The following DPP10 variants were observed in gnomAD, a reference collection of about 807,000 sequenced individuals.
DPP10 encodes inactive dipeptidyl peptidase 10.
In DPP10, 33 loss-of-function variants were observed where a neutral mutation model predicts 120.9. That is an observed-to-expected ratio of 0.27 (90% CI 0.21 to 0.37). DPP10 has a LOEUF of 0.37. Ranked by LOEUF, DPP10 falls within the 10% of genes least tolerant of loss-of-function variation. The pLI is 1.00. For missense variants in DPP10, 816 were observed against 942.8 expected (o/e 0.87, Z 1.76); for synonymous variants, 337 against 326.1 (o/e 1.03, Z -0.36).
At chr2:115,442,806 G>A (rs2072200610) in intron 3 of DPP10, among the ~76,000 whole-genome samples, 1 of 152,158 alleles carries the variant, frequency 6.6e-6, no homozygotes, top group Admixed American at 6.5e-5. Context: ...ATTGAGAAAT[G>A]TAAGGGGCCT....
chr2:114,917,662 A>G lies in DPP10; in HGVS notation c.61-391577A>G, dbSNP rs573872024. On this transcript the variant is annotated intron_variant, in intron 1 of 25. Coordinates refer to ENST00000410059, the MANE Select transcript of DPP10 (RefSeq NM_020868.6). ...ACCCTAAATAAATCTACACACCTGC[A>G]ACCATCAGATCTTTCACAAAGCTGA... Among the ~76,000 whole-genome samples the G allele has an allele frequency of 3.9e-5, 6 of 152,274 alleles. No homozygotes were observed. In the East Asian group the frequency reaches 1.2e-3, roughly 29 times the overall value.
chr2:115,208,095 A>G (rs758492271), intron 1 of DPP10, among the ~76,000 whole-genome samples: 16 of 152,232 alleles, frequency 1.1e-4, no homozygotes, highest in Non-Finnish European at 1.5e-4. Flanking sequence ...GTCTTGGGCC[A>G]ATTGAATAAT....
intron 5 of DPP10, among the ~76,000 whole-genome samples, chr2:115,529,246 T>G (rs2078317229): frequency 6.6e-6 from 1 of 152,066 alleles, no homozygotes; most frequent in African/African-American, 2.4e-5. Context: ...CTCTGCTCAC[T>G]GCAACCTCCA....
chr2:115,791,895 A>G (rs1684031342), intron 19 of DPP10, among the ~76,000 whole-genome samples: 1 of 152,182 alleles, frequency 6.6e-6, no homozygotes, highest in Non-Finnish European at 1.5e-5. Flanking sequence ...GGCCCCTAAC[A>G]TCTAATGCGT....
At chr2:114,997,946 A>C (rs1701202908) in intron 1 of DPP10, among the ~76,000 whole-genome samples, 1 of 152,226 alleles carries the variant, frequency 6.6e-6, no homozygotes, top group Admixed American at 6.5e-5. Context: ...GTTTGAGGGT[A>C]ACTTTATGCA....
At chr2:114,597,231 G>C (rs190198782) in intron 1 of DPP10, among the ~76,000 whole-genome samples, 1 of 152,110 alleles carries the variant, frequency 6.6e-6, no homozygotes, top group East Asian at 1.9e-4. Context: ...AAACCAAGAA[G>C]AGTAATTTGG....
intron 1 of DPP10, among the ~76,000 whole-genome samples, chr2:114,602,136 A>AT (rs1692421469): frequency 2.0e-5 from 3 of 151,904 alleles, no homozygotes; most frequent in South Asian, 2.1e-4. Context: ...TACCAATGGT[A>AT]TTTTTTGTGG....
intron 1 of DPP10, among the ~76,000 whole-genome samples, chr2:114,526,424 A>G (rs954763840): frequency 6.6e-6 from 1 of 152,136 alleles, no homozygotes; most frequent in African/African-American, 2.4e-5. Flanking sequence ...ATTTATTCCT[A>G]AAGTTGAGAA....
chr2:115,699,855 G>GT (rs1324066699), intron 7 of DPP10, among the ~76,000 whole-genome samples: 1 of 152,198 alleles, frequency 6.6e-6, no homozygotes, highest in Non-Finnish European at 1.5e-5. Flanking sequence ...TTCTTGAAAT[G>GT]TAAGGATCAT....
chr2:115,827,412 G>GTATA (rs1164585822), intron 21 of DPP10, among the ~76,000 whole-genome samples: 8,991 of 81,296 alleles, frequency 0.11, 465 homozygotes, highest in Middle Eastern at 0.15. Context: ...GTATGTGTGT[G>GTATA]TGTATATATA....
At chr2:114,779,443 T>C (rs1682073394) in intron 1 of DPP10, among the ~76,000 whole-genome samples, 1 of 152,102 alleles carries the variant, frequency 6.6e-6, no homozygotes, top group African/African-American at 2.4e-5. Flanking sequence ...ATCAAAGTTA[T>C]CTCATATCTA....
At chr2:115,544,512 T>G (rs2079378105) in intron 5 of DPP10, among the ~76,000 whole-genome samples, 1 of 152,062 alleles carries the variant, frequency 6.6e-6, no homozygotes, top group East Asian at 1.9e-4. Flanking sequence ...GTTTTAAACC[T>G]GTCATCATGG....
At chr2:115,637,814 A>G (rs1388066075) in intron 5 of DPP10, among the ~76,000 whole-genome samples, 1 of 152,124 alleles carries the variant, frequency 6.6e-6, no homozygotes, top group Non-Finnish European at 1.5e-5. Flanking sequence ...ATCCCAGTCA[A>G]ACTAAACTTG....
intron 1 of DPP10, among the ~76,000 whole-genome samples, chr2:114,945,182 G>A (rs1697253783): frequency 6.6e-6 from 1 of 152,148 alleles, no homozygotes; most frequent in Non-Finnish European, 1.5e-5. Flanking sequence ...TTTGTGTTTG[G>A]TGGTGATATT....
chr2:114,648,043 G>A (rs761344952), intron 1 of DPP10, among the ~76,000 whole-genome samples: 4 of 152,078 alleles, frequency 2.6e-5, no homozygotes, highest in Admixed American at 6.6e-5. Flanking sequence ...CCAGGGCAAG[G>A]TTAGACAGGT....
chr2:115,482,356 C>G (rs1217029369), intron 3 of DPP10, among the ~76,000 whole-genome samples: 1 of 151,820 alleles, frequency 6.6e-6, no homozygotes, highest in East Asian at 1.9e-4. Context: ...TATTCATCAT[C>G]TCACATAGTT....
intron 5 of DPP10, among the ~76,000 whole-genome samples, chr2:115,604,262 T>A (rs2083554166): frequency 6.6e-6 from 1 of 152,112 alleles, no homozygotes; most frequent in South Asian, 2.1e-4. Context: ...CCCAACTCTA[T>A]TTTCGGAGTT....
intron 2 of DPP10, among the ~76,000 whole-genome samples, chr2:115,325,489 G>C (rs1196439586): frequency 1.3e-5 from 2 of 152,070 alleles, no homozygotes; most frequent in Non-Finnish European, 2.9e-5. Flanking sequence ...ACATAAACTT[G>C]TAAAATACAC....
intron 1 of DPP10, among the ~76,000 whole-genome samples, chr2:114,850,553 A>G (rs1386130533): frequency 6.6e-6 from 1 of 152,050 alleles, no homozygotes; most frequent in African/African-American, 2.4e-5. Context: ...CCCAATCATA[A>G]TTCTTTTTTT....
Sources: allele counts gnomAD v4.1 joint callset (sites outside exome capture counted in the v4.1 genomes callset), GRCh38; gene constraint gnomAD v4.1.1; transcripts MANE v1.5; gene names NCBI Gene and HGNC (gene_info 2026-07-23, HGNC 2026-07-21).